The following ZBTB20 variants were observed in gnomAD, a reference collection of about 807,000 sequenced individuals.
The protein encoded by ZBTB20 is zinc finger and BTB domain-containing protein 20.
A neutral mutation model predicts 56.9 loss-of-function variants in ZBTB20; 9 were observed. The observed-to-expected ratio is 0.16, with a 90% CI of 0.10 to 0.28. The LOEUF (loss-of-function observed/expected upper bound fraction) is 0.28, where lower values mean the gene tolerates loss of function less well. ZBTB20 is among the 10% of genes least tolerant of loss of function. ZBTB20 has a pLI of 1.00. For missense variants in ZBTB20, 655 were observed against 1,003.0 expected, an observed-to-expected ratio of 0.65 and a Z score of 4.69; for synonymous variants, 417 against 420.7, an observed-to-expected ratio of 0.99 and a Z score of 0.11.
At position 114,506,300 on chromosome 3, in the gene ZBTB20, GAGA is replaced by G. The variant is rs564879239; in HGVS notation, c.-294-5912_-294-5910del. 2.1e-3 allele frequency among the ~76,000 whole-genome samples: 313 copies of G among 152,204 alleles called. 1 individual carries two copies. Among genetic ancestry groups the G allele is most frequent in the Non-Finnish European group, 3.5e-3 (241 of 67,982 alleles). Reference sequence around the variant, plus strand: ...GAAATAAGGTTATAATCAATAAAGAGAGAAGATTTTAAAGTTCAGCAATTAGGT... The same window carrying G: ...GAAATAAGGTTATAATCAATAAAGAGAGATTTTAAAGTTCAGCAATTAGGT... On this transcript the variant is annotated intron_variant, in intron 6 of 11. Transcript: ENST00000675478.
chr3:114,556,850 T>G (rs2051290006), intron 6 of ZBTB20, among the ~76,000 whole-genome samples: 1 of 152,114 alleles, frequency 6.6e-6, no homozygotes, highest in Non-Finnish European at 1.5e-5. Context: ...GCTCTCAGTA[T>G]ACTGCTGAGG....
intron 5 of ZBTB20, among the ~76,000 whole-genome samples, chr3:114,794,862 T>C (rs900218726): frequency 6.6e-6 from 1 of 152,072 alleles, no homozygotes; most frequent in Admixed American, 6.6e-5. Context: ...TTTTCAAGGT[T>C]TTCTATGCCT....
intron 2 of ZBTB20, among the ~76,000 whole-genome samples, chr3:115,013,910 G>GTA (rs911394289): frequency 1.4e-5 from 2 of 142,890 alleles, no homozygotes; most frequent in Non-Finnish European, 3.1e-5. Context: ...ATCCCTATAT[G>GTA]TGTGTGTGTG....
At chr3:115,062,405 C>A (rs1425610980) in intron 2 of ZBTB20, among the ~76,000 whole-genome samples, 1 of 152,208 alleles carries the variant, frequency 6.6e-6, no homozygotes, top group South Asian at 2.1e-4. Flanking sequence ...CTTTTCCTCC[C>A]AAAACCAAAT....
chr3:114,636,438 A>G (rs1195523701), intron 6 of ZBTB20, among the ~76,000 whole-genome samples: 1 of 152,124 alleles, frequency 6.6e-6, no homozygotes, highest in African/African-American at 2.4e-5. Context: ...CAACTCTGGT[A>G]TAAACATTAA....
At chr3:115,034,411 T>A (rs182081765) in intron 2 of ZBTB20, among the ~76,000 whole-genome samples, 13 of 151,274 alleles carry the variant, frequency 8.6e-5, no homozygotes, top group Admixed American at 3.9e-4. Flanking sequence ...AAAAAAATCA[T>A]CACGCAAAAA....
intron 4 of ZBTB20, among the ~76,000 whole-genome samples, chr3:114,852,975 G>A (rs1011101667): frequency 3.3e-5 from 5 of 152,106 alleles, no homozygotes; most frequent in Non-Finnish European, 5.9e-5. Flanking sequence ...TTAGATTAGC[G>A]GGAGTTCCAA....
rs2079237633 is a variant in ZBTB20 at position 114,331,106 on chromosome 3, T to TGTGTGTGG, written c.*7898_*7899insCCACACAC. 1 of 1,800 alleles carries TGTGTGTGG rather than the reference T, an allele frequency of 5.6e-4. No homozygotes were observed. The highest frequency in any genetic ancestry group is 2.2e-3 in the Non-Finnish European group (1 of 464). The allele number at this position is 1,800 out of a possible 1,614,324, so 0.1% of individuals were successfully genotyped here. A position where few individuals can be genotyped will look rare whatever the true frequency, so the allele number is the denominator to read the frequency against. ...AGCTTTAGTTTGAGAATAAAATTTATGTGTGTGTGTGTGTGTGTGTGTGTG... is the reference window on the plus strand; with the variant it reads ...AGCTTTAGTTTGAGAATAAAATTTATGTGTGTGGGTGTGTGTGTGTGTGTGTGTGTGTG... On this transcript the variant is annotated 3_prime_UTR_variant, in exon 12 of 12. Coordinates refer to ENST00000675478, the MANE Select transcript of ZBTB20 (RefSeq NM_001348800.3).
At chr3:114,927,869 T>G (rs1284148792) in intron 3 of ZBTB20, among the ~76,000 whole-genome samples, 2 of 152,230 alleles carry the variant, frequency 1.3e-5, no homozygotes, top group Non-Finnish European at 2.9e-5. Flanking sequence ...AACTCTTATT[T>G]AAAACTCAGT....
Position 114,794,937 on chromosome 3 carries a change from A to C in ZBTB20, c.-343+6164T>G, listed in dbSNP as rs140412203. On this transcript the variant is annotated intron_variant, in intron 5 of 11. Coordinates refer to ENST00000675478, the MANE Select transcript of ZBTB20 (RefSeq NM_001348800.3). ...ATTAAAAATGAGATTAAGGTTTAAC[A>C]GATAAAAAATACATTCTAGGAACAA... Among the ~76,000 whole-genome samples, 4 of 152,258 alleles carry C rather than the reference A, an allele frequency of 2.6e-5. No individual in the cohort carries two copies. The East Asian group carries it at 5.8e-4, about 22-fold the overall frequency.
chr3:115,023,799 T>G (rs2080303735), intron 2 of ZBTB20, among the ~76,000 whole-genome samples: 1 of 150,972 alleles, frequency 6.6e-6, no homozygotes, highest in Admixed American at 6.6e-5. Context: ...AAAATGATGC[T>G]AAAATAAAGA....
intron 4 of ZBTB20, among the ~76,000 whole-genome samples, chr3:114,837,653 G>T (rs889547632): frequency 6.6e-6 from 1 of 152,110 alleles, no homozygotes; most frequent in African/African-American, 2.4e-5. Context: ...CCGGGAGAGA[G>T]TGATAGAGGG....
At chr3:114,811,706 A>G (rs1578977871) in intron 4 of ZBTB20, among the ~76,000 whole-genome samples, 1 of 152,362 alleles carries the variant, frequency 6.6e-6, no homozygotes, top group East Asian at 1.9e-4. Flanking sequence ...CCTTTAATCT[A>G]GGAACCCGTA....
At chr3:114,886,949 T>A (rs2076624051) in intron 4 of ZBTB20, among the ~76,000 whole-genome samples, 1 of 152,194 alleles carries the variant, frequency 6.6e-6, no homozygotes, top group African/African-American at 2.4e-5. Flanking sequence ...GAAATTTATC[T>A]CTTATAGTTG....
intron 5 of ZBTB20, among the ~76,000 whole-genome samples, chr3:114,760,779 T>C (rs1191205324): frequency 1.3e-5 from 2 of 152,184 alleles, no homozygotes; most frequent in Non-Finnish European, 2.9e-5. Flanking sequence ...ACACACTGCC[T>C]TTCTGTGTTT....
intron 1 of ZBTB20, among the ~76,000 whole-genome samples, chr3:115,126,537 G>T (rs903957608): frequency 1.3e-5 from 2 of 152,032 alleles, no homozygotes; most frequent in Non-Finnish European, 2.9e-5. Context: ...GAACCTGTAA[G>T]TTACAATTAC....
intron 3 of ZBTB20, among the ~76,000 whole-genome samples, chr3:114,936,160 AC>A (rs1470179303): frequency 6.6e-6 from 1 of 152,188 alleles, no homozygotes; most frequent in Non-Finnish European, 1.5e-5. Flanking sequence ...AAGAAAAAAA[AC>A]AAGATTGTTA....
chr3:114,509,011 C>T (rs1288908586), intron 6 of ZBTB20, among the ~76,000 whole-genome samples: 1 of 152,130 alleles, frequency 6.6e-6, no homozygotes, highest in Admixed American at 6.6e-5. Context: ...GTAGCCATTG[C>T]TTATGCTGCT....
intron 6 of ZBTB20, among the ~76,000 whole-genome samples, chr3:114,601,524 T>C (rs578106818): frequency 6.6e-6 from 1 of 152,184 alleles, no homozygotes; most frequent in South Asian, 2.1e-4. Context: ...TTTATTCATG[T>C]ATTCATTATA....
Sources: gnomAD v4.1 joint callset for allele counts (sites outside exome capture counted in the v4.1 genomes callset) on GRCh38, gnomAD v4.1.1 for gene constraint, MANE v1.5 for transcripts, NCBI Gene and HGNC (gene_info 2026-07-23, HGNC 2026-07-21) for gene names.